ZNF653: variants seen among roughly 807,000 people sequenced by gnomAD.
The protein encoded by ZNF653 is 67 kDa zinc finger protein.
In ZNF653, 37 loss-of-function variants were observed where a neutral mutation model predicts 59.9. That is an observed-to-expected ratio of 0.62 (90% CI 0.48 to 0.81). ZNF653 has a LOEUF of 0.81. ZNF653 is among the 40% of genes least tolerant of loss of function. The probability of loss-of-function intolerance (pLI) is 0.00; values close to 1 mark genes in which losing one functional copy is unlikely to be tolerated. For synonymous variants in ZNF653, 435 were observed against 371.8 expected, an observed-to-expected ratio of 1.17 and a Z score of -1.96; for missense variants, 808 against 881.1, an observed-to-expected ratio of 0.92 and a Z score of 1.05.
chr19:11,485,073 C>CAA (rs144338386), intron 7 of ZNF653, among the ~76,000 whole-genome samples: 19 of 150,270 alleles, frequency 1.3e-4, no homozygotes, highest in African/African-American at 2.4e-4. Flanking sequence ...TAAAAAAAAC[C>CAA]AAAAAAAACA....
chr19:11,504,023 T>C (rs1971675416), intron 1 of ZNF653, among the ~76,000 whole-genome samples: 1 of 152,122 alleles, frequency 6.6e-6, no homozygotes, highest in African/African-American at 2.4e-5. Flanking sequence ...GAGGATCACT[T>C]GAACCCACGA....
intron 6 of ZNF653, 126 bp downstream of exon 6, chr19:11,486,643 C>G: frequency 1.3e-6 from 1 of 761,076 alleles, no homozygotes; most frequent in African/African-American, 1.8e-5. Flanking sequence ...TGTGACAAGT[C>G]CCTGTCTTTG....
intron 3 of ZNF653, among the ~76,000 whole-genome samples, chr19:11,493,061 GT>G (rs145404788): frequency 4.9e-4 from 69 of 139,992 alleles, no homozygotes; most frequent in South Asian, 1.4e-3. Flanking sequence ...CCTCGGGAGT[GT>G]TTTTTTTTTT....
intron 2 of ZNF653, 27 bp downstream of exon 2, chr19:11,498,269 C>G: frequency 6.2e-7 from 1 of 1,613,840 alleles, no homozygotes. Flanking sequence ...ACTCTCCCCA[C>G]CTCCCCCAGG....
intron 1 of ZNF653, chr19:11,504,409 AG>A: frequency 1.9e-6 from 1 of 525,940 alleles, no homozygotes; most frequent in Non-Finnish European, 2.4e-6. Flanking sequence ...TCAAAAAAAA[AG>A]AAAAGAAAAG....
chr19:11,505,392 C>G, intron 1 of ZNF653, 96 bp downstream of exon 1: 2 of 1,273,604 alleles, frequency 1.6e-6, no homozygotes, highest in Non-Finnish European at 2.0e-6. Flanking sequence ...TCCGCAGGTG[C>G]CGGGGGCTGG....
intron 1 of ZNF653, among the ~76,000 whole-genome samples, chr19:11,502,451 G>A (rs1971656833): frequency 6.6e-6 from 1 of 152,130 alleles, no homozygotes; most frequent in Admixed American, 6.6e-5. Flanking sequence ...CTCATCATCA[G>A]CTTTAACAAT....
intron 6 of ZNF653, among the ~76,000 whole-genome samples, chr19:11,486,352 C>T (rs115653850): frequency 0.012 from 1,763 of 152,262 alleles, 29 homozygotes; most frequent in African/African-American, 0.04. Flanking sequence ...CCCAATTAAT[C>T]GATGGGGAAA....
At chr19:11,501,244 T>C (rs1971641092) in intron 1 of ZNF653, among the ~76,000 whole-genome samples, 1 of 150,844 alleles carries the variant, frequency 6.6e-6, no homozygotes, top group African/African-American at 2.4e-5. Flanking sequence ...AGTGGCGCCA[T>C]CACAGCTCAC....
Position 11,487,691 on chromosome 19 carries a change from C to A in ZNF653, c.772G>T (p.Gly258Cys). Residue 258 changes from glycine to cysteine, a missense_variant, in exon 4 of 9, where the codon GGT (glycine) becomes TGT (cysteine). Transcript: ENST00000293771. This position sits in a 1 kb window ranked among gnomAD's most constrained non-coding sequence, Gnocchi z 5.1. Reference sequence around the variant, plus strand: ...GCTGGGTTGGAGCACAGCGGGGTACCCTGCTCGGCCAGGCTTTCCACGTGG... The same window carrying A: ...GCTGGGTTGGAGCACAGCGGGGTACACTGCTCGGCCAGGCTTTCCACGTGG... ...VHHVESLAEQ[G>C]TPLCSNPAGN... 6.2e-7 allele frequency: 1 copy of A among 1,613,828 alleles called. No individual in the cohort carries two copies. The highest frequency in any genetic ancestry group is 8.5e-7 in the Non-Finnish European group (1 of 1,179,958).
chr19:11,497,992 G>A (rs1971605836), intron 2 of ZNF653, among the ~76,000 whole-genome samples: 2 of 152,196 alleles, frequency 1.3e-5, no homozygotes, highest in African/African-American at 4.8e-5. Flanking sequence ...CAGGACAGGA[G>A]GAGCAAGCTC....
chr19:11,502,374 G>C (rs1007259256), intron 1 of ZNF653, among the ~76,000 whole-genome samples: 24 of 152,372 alleles, frequency 1.6e-4, no homozygotes, highest in African/African-American at 5.8e-4. Flanking sequence ...TTACAGGCGT[G>C]AGCTACCATG....
At chr19:11,486,915 G>A (rs375704102) in intron 5 of ZNF653, 35 bp from the exon 6 acceptor site, 38 of 1,610,532 alleles carry the variant, frequency 2.4e-5, no homozygotes, top group South Asian at 2.0e-4. Flanking sequence ...CGGGGCTCCC[G>A]CACCAGGCAG....
At position 11,493,644 on chromosome 19, in the gene ZNF653, C is replaced by T. The variant is rs568958456; in HGVS notation, c.559+2306G>A. The stretch of plus-strand genomic sequence containing the variant: ...ATGAGTGGAGGGAAGGGCCAGAGCA[C>T]GCGTCTGGGTCCACCTGACTGCAGC... On this transcript the variant is annotated intron_variant, in intron 3 of 8. Coordinates refer to ENST00000293771, the MANE Select transcript of ZNF653 (RefSeq NM_138783.4). Among the ~76,000 whole-genome samples the T allele has an allele frequency of 3.3e-5, 5 of 152,300 alleles. No homozygotes were observed. The South Asian group carries it at 8.3e-4, about 25-fold the overall frequency.
intron 3 of ZNF653, among the ~76,000 whole-genome samples, chr19:11,488,905 C>CT (rs944651834): frequency 1.1e-3 from 145 of 137,346 alleles, no homozygotes; most frequent in Non-Finnish European, 1.3e-3. Context: ...CTGAGTTTTT[C>CT]TTTTTTTTTT....
chr19:11,487,364 G>C lies in ZNF653; in HGVS notation c.1099C>G (p.Gln367Glu). ...AMMEGVAAYT[Q>E]TEPEGSQPST... is the part of the protein sequence containing the mutation. The stretch of plus-strand genomic sequence containing the variant: ...GGCTGGCTACCCTCGGGCTCTGTCT[G>C]GGTGTAGGCTGCCACACCCTCCATC... Residue 367 changes from glutamine (Q) to glutamate (E), a missense_variant, in exon 4 of 9, where the codon CAG becomes GAG. Gln to Glu is a conservative substitution (Grantham distance 29). Transcript: ENST00000293771. The surrounding 1 kb of genome is among the most constrained non-coding windows in gnomAD (Gnocchi z 5.1). 6.2e-7 allele frequency: 1 copy of C among 1,613,156 alleles called. No homozygotes were observed. The highest frequency in any genetic ancestry group is 8.5e-7 in the Non-Finnish European group (1 of 1,179,904).
intron 7 of ZNF653, among the ~76,000 whole-genome samples, chr19:11,485,005 G>C (rs1971450284): frequency 6.6e-6 from 1 of 151,414 alleles, no homozygotes; most frequent in Admixed American, 6.6e-5. Context: ...AGCCAAGATC[G>C]GATTCCAGCC....
chr19:11,497,488 G>C (rs1275454528), intron 2 of ZNF653, among the ~76,000 whole-genome samples: 3 of 152,204 alleles, frequency 2.0e-5, no homozygotes, highest in Non-Finnish European at 4.4e-5. Flanking sequence ...GGGAGAATAA[G>C]GGATTCCCAT....
intron 3 of ZNF653, among the ~76,000 whole-genome samples, chr19:11,490,264 A>G (rs1461736774): frequency 6.6e-6 from 1 of 152,196 alleles, no homozygotes; most frequent in Non-Finnish European, 1.5e-5. Flanking sequence ...TGCACAGGGC[A>G]AGATACGGGG....
Sources: gnomAD v4.1 joint callset for allele counts (sites outside exome capture counted in the v4.1 genomes callset) on GRCh38, gnomAD v4.1.1 for gene constraint, Gnocchi (gnomAD v3.1) non-coding constraint, MANE v1.5 for transcripts, NCBI Gene and HGNC (gene_info 2026-07-23, HGNC 2026-07-21) for gene names.